The following GUCY1A1 variants were observed in gnomAD, a reference collection of about 807,000 sequenced individuals.
The protein encoded by GUCY1A1 is guanylate cyclase 1 soluble subunit alpha 1, also known as guanylate cyclase soluble subunit alpha-1.
In GUCY1A1, 48 loss-of-function variants were observed where a neutral mutation model predicts 64.5. The ratio of observed to expected loss-of-function variants is 0.74; its 90% CI spans 0.59 to 0.95. The LOEUF (loss-of-function observed/expected upper bound fraction) is 0.95. Among genes scored for constraint, GUCY1A1 ranks in the 40% least tolerant of loss-of-function variants. The probability of loss-of-function intolerance (pLI) is 0.00; values close to 1 mark genes in which losing one functional copy is unlikely to be tolerated. For synonymous variants in GUCY1A1, 308 were observed against 303.4 expected (o/e 1.02, Z -0.16); for missense variants, 804 against 825.3 (o/e 0.97, Z 0.32).
rs75408067 is a variant in GUCY1A1, at chr4:155,709,473, A to T, written c.377-1069A>T. Reference sequence around the variant, plus strand: ...TATGTATCGTTTACAATACTAACTGATTTGTGGAGTGACTTGAGCCTGTGT... The same window carrying T: ...TATGTATCGTTTACAATACTAACTGTTTTGTGGAGTGACTTGAGCCTGTGT... On this transcript the variant is annotated intron_variant, in intron 5 of 9. Transcript: ENST00000506455. Among the ~76,000 whole-genome samples, 126 of 152,290 alleles carry T rather than the reference A, an allele frequency of 8.3e-4. 1 individual carries two copies. The highest frequency in any genetic ancestry group is 6.8e-3 in the Middle Eastern group (2 of 294).
At chr4:155,711,345 G>A (rs1732551211) in intron 6 of GUCY1A1, 94 bp downstream of exon 6, 2 of 640,854 alleles carry the variant, frequency 3.1e-6, no homozygotes, top group Admixed American at 2.8e-5. Context: ...CACTTCAAAT[G>A]TTTGATAAAA....
intron 7 of GUCY1A1, among the ~76,000 whole-genome samples, chr4:155,713,804 T>C (rs934591768): frequency 2.0e-5 from 3 of 152,154 alleles, no homozygotes; most frequent in South Asian, 4.1e-4. Flanking sequence ...CTGGGAGGAC[T>C]GCCACACTGT....
At chr4:155,711,576 A>C (rs928684981) in intron 6 of GUCY1A1, among the ~76,000 whole-genome samples, 1 of 152,224 alleles carries the variant, frequency 6.6e-6, no homozygotes, top group Non-Finnish European at 1.5e-5. Context: ...GAATAATAAG[A>C]GGTATTGTTT....
chr4:155,699,825 A>C (rs1730853144), intron 3 of GUCY1A1, among the ~76,000 whole-genome samples: 1 of 152,212 alleles, frequency 6.6e-6, no homozygotes, highest in South Asian at 2.1e-4. Context: ...TTAGATAATC[A>C]GAATTAACTT....
intron 9 of GUCY1A1, among the ~76,000 whole-genome samples, chr4:155,727,200 C>T (rs1395048263): frequency 1.3e-5 from 2 of 151,916 alleles, no homozygotes; most frequent in African/African-American, 4.8e-5. Flanking sequence ...TGGGCTGTTG[C>T]TGCCTTTTTT....
chr4:155,696,977 CAG>C lies in GUCY1A1; in HGVS notation c.115_116del (p.Ser39LeufsTer13). 6.2e-7 allele frequency: 1 copy of C among 1,613,718 alleles called. No homozygotes were observed. The highest frequency in any genetic ancestry group is 8.5e-7 in the Non-Finnish European group (1 of 1,179,670). On this transcript the variant is annotated frameshift_variant, in exon 3 of 10. Coordinates refer to ENST00000506455, the MANE Select transcript of GUCY1A1 (RefSeq NM_001130682.3). LOFTEE classifies it high-confidence loss of function. ...TCTTCAGAGGAGGCAGCAGGAAGCTCAGAGAGCTGCAAAGCAACCGTGCCCAT... is the reference window on the plus strand; with the variant it reads ...TCTTCAGAGGAGGCAGCAGGAAGCTCAGAGCTGCAAAGCAACCGTGCCCAT...
rs75612190 is a variant in GUCY1A1, at chr4:155,718,254, T to C, written c.1716+952T>C. Among the ~76,000 whole-genome samples, 1,214 of 152,238 alleles carry C rather than the reference T, an allele frequency of 8.0e-3. 10 individuals are homozygous for C. The highest frequency in any genetic ancestry group is 0.026 in the African/African-American group (1,097 of 41,554). On this transcript the variant is annotated intron_variant, in intron 8 of 9. Transcript: ENST00000506455. ...CTTATCCGGTATGCTATAAAACATA[T>C]AGAGAAGAAAGAAGAAATTTAAAAA...
intron 2 of GUCY1A1, among the ~76,000 whole-genome samples, chr4:155,683,021 A>T (rs13148766): frequency 0.5 from 76,686 of 151,952 alleles, 20,576 homozygotes; most frequent in East Asian, 0.83. Flanking sequence ...CAAATGATGG[A>T]TGATTCTGTG....
chr4:155,682,278 C>A (rs566819590), intron 2 of GUCY1A1, among the ~76,000 whole-genome samples: 45 of 152,216 alleles, frequency 3.0e-4, no homozygotes, highest in African/African-American at 1.1e-3. Context: ...TTGCCACCAC[C>A]GCCTAAATCT....
intron 9 of GUCY1A1, among the ~76,000 whole-genome samples, chr4:155,726,078 A>G (rs910245026): frequency 6.6e-6 from 1 of 152,058 alleles, no homozygotes; most frequent in Non-Finnish European, 1.5e-5. Flanking sequence ...AATTTAATTT[A>G]TATTGAACTT....
rs1420396701 is a variant in GUCY1A1 at position 155,733,651 on chromosome 4, A to G, written c.*3420A>G. Among the ~76,000 whole-genome samples, 2 of 151,540 alleles carry G rather than the reference A, an allele frequency of 1.3e-5. No individual in the cohort carries two copies. Among genetic ancestry groups the G allele is most frequent in the African/African-American group, 4.8e-5 (2 of 41,320 alleles). ...TTATTCACTTGAGGCACTTGTTCAA[A>G]ATAGATTTTACAAAAGAAAAAAAAA... is the stretch of plus-strand genomic sequence containing the variant. On this transcript the variant is annotated 3_prime_UTR_variant, in exon 10 of 10. Coordinates refer to ENST00000506455, the MANE Select transcript of GUCY1A1 (RefSeq NM_001130682.3).
chr4:155,682,798 C>G (rs1369621337), intron 2 of GUCY1A1, among the ~76,000 whole-genome samples: 1 of 151,436 alleles, frequency 6.6e-6, no homozygotes, highest in Non-Finnish European at 1.5e-5. Flanking sequence ...TTTTATGAAA[C>G]AGTAAATTTT....
intron 2 of GUCY1A1, among the ~76,000 whole-genome samples, chr4:155,670,685 T>C (rs1372297593): frequency 6.6e-6 from 1 of 152,158 alleles, no homozygotes; most frequent in African/African-American, 2.4e-5. Context: ...GGCTCTTCCT[T>C]GCCACAAGAA....
rs928870695 is a variant in GUCY1A1, at chr4:155,732,295, CA to C, written c.*2066del. ...ATGGGAGTTTTTTGTACGATTCCTG[CA>C]ACTTTTCTATAAACGTGGCATTATA... On this transcript the variant is annotated 3_prime_UTR_variant, in exon 10 of 10. Coordinates refer to ENST00000506455, the MANE Select transcript of GUCY1A1 (RefSeq NM_001130682.3). 1.2e-4 allele frequency: 18 copies of C among 151,852 alleles called. No homozygotes were observed. Among genetic ancestry groups the C allele is most frequent in the African/African-American group, 4.3e-4 (18 of 41,508 alleles). The allele number at this position is 151,852 out of a possible 1,614,324, so 9.4% of individuals were successfully genotyped here.
In GUCY1A1 at chr4:155,734,017, G is replaced by A. The variant is rs1366014724; in HGVS notation, c.*3786G>A. Reference sequence around the variant, plus strand: ...AGTCTTTCAGATCCTTTGGTAGGGAGGAAAGAAGAGTTGCTTCAGCATTTT... The same window carrying A: ...AGTCTTTCAGATCCTTTGGTAGGGAAGAAAGAAGAGTTGCTTCAGCATTTT... On this transcript the variant is annotated 3_prime_UTR_variant, in exon 10 of 10. Coordinates refer to ENST00000506455, the MANE Select transcript of GUCY1A1 (RefSeq NM_001130682.3). Among the ~76,000 whole-genome samples the A allele has an allele frequency of 6.6e-6, 1 of 151,870 alleles. No homozygotes were observed. Among genetic ancestry groups the A allele is most frequent in the African/African-American group, 2.4e-5 (1 of 41,388 alleles).
chr4:155,706,226 A>G (rs945653784), intron 4 of GUCY1A1, among the ~76,000 whole-genome samples: 10 of 152,204 alleles, frequency 6.6e-5, no homozygotes, highest in Non-Finnish European at 1.5e-4. Flanking sequence ...AATTTTCTTG[A>G]TGAGAACTAT....
In GUCY1A1 at chr4:155,717,159, G is replaced by A; in HGVS notation, c.1573G>A (p.Val525Met). ...AGTATGGAAAATATATTATGTCTAG[G>A]TGGAGACCATTGGCGATGCCTATTG... ...QQCGELDVYKVETIGDAYCVA... is the reference protein window; with the variant it reads ...QQCGELDVYKMETIGDAYCVA... Residue 525 changes from valine to methionine, a missense_variant and splice_region_variant, in exon 8 of 10, where the codon GTG becomes ATG. Coordinates refer to ENST00000506455, the MANE Select transcript of GUCY1A1 (RefSeq NM_001130682.3). 6.7e-7 allele frequency: 1 copy of A among 1,487,792 alleles called. No individual in the cohort carries two copies. Among genetic ancestry groups the A allele is most frequent in the Non-Finnish European group, 9.0e-7 (1 of 1,106,032 alleles). The allele number at this position is 1,487,792 out of a possible 1,614,324, so 92.2% of individuals were successfully genotyped here. A position where few individuals can be genotyped will look rare whatever the true frequency, so the allele number is the denominator to read the frequency against.
intron 9 of GUCY1A1, among the ~76,000 whole-genome samples, chr4:155,724,382 G>T (rs1010369956): frequency 6.6e-5 from 10 of 151,902 alleles, no homozygotes; most frequent in African/African-American, 2.4e-4. Context: ...CTGTTTTATA[G>T]CAAAACTGAA....
intron 4 of GUCY1A1, among the ~76,000 whole-genome samples, chr4:155,707,548 A>T (rs1249796009): frequency 6.6e-6 from 1 of 152,102 alleles, no homozygotes; most frequent in Non-Finnish European, 1.5e-5. Flanking sequence ...ATCAAAATTC[A>T]AACTTTGAAG....
Sources: allele counts gnomAD v4.1 joint callset (sites outside exome capture counted in the v4.1 genomes callset), GRCh38; gene constraint gnomAD v4.1.1; transcripts MANE v1.5; gene names NCBI Gene and HGNC (gene_info 2026-07-23, HGNC 2026-07-21).